The following CPLANE1 variants were observed in gnomAD, a reference collection of about 807,000 sequenced individuals.
CPLANE1 encodes ciliogenesis and planar polarity effector complex subunit 1, also known as ciliogenesis and planar polarity effector 1.
Under a neutral mutation model 362.5 loss-of-function variants are expected in CPLANE1, and 263 were observed. The observed-to-expected ratio is 0.73, with a 90% CI of 0.66 to 0.80. The LOEUF is 0.80. Ranked by LOEUF, CPLANE1 falls within the 30% of genes least tolerant of loss-of-function variation. The pLI is 0.00. For missense variants in CPLANE1, 3,461 were observed against 3,793.4 expected (o/e 0.91, Z 2.30); for synonymous variants, 1,212 against 1,302.6 (o/e 0.93, Z 1.50).
chr5:37,211,177 C>T, intron 16 of CPLANE1: 1 of 1,330,232 alleles, frequency 7.5e-7, no homozygotes, highest in Non-Finnish European at 1.1e-6. Flanking sequence ...GGTACGGTTG[C>T]ATCAAGGATC....
intron 43 of CPLANE1, among the ~76,000 whole-genome samples, chr5:37,147,252 C>T (rs918730685): frequency 6.6e-6 from 1 of 152,220 alleles, no homozygotes; most frequent in Non-Finnish European, 1.5e-5. Context: ...TGACTATCCT[C>T]AGCCACAAGG....
chr5:37,221,197 A>G, intron 15 of CPLANE1, 127 bp downstream of exon 15: 1 of 544,430 alleles, frequency 1.8e-6, no homozygotes, highest in Non-Finnish European at 3.2e-6. Context: ...TGCATTCTGT[A>G]GTCCTAGCCA....
At chr5:37,091,885 G>T in the CPLANE1 span, among the ~76,000 whole-genome samples, 1 of 152,144 alleles carries the variant, frequency 6.6e-6, no homozygotes, top group Non-Finnish European at 1.5e-5. Context: ...AGACGATGAG[G>T]CTTCCATGGA....
At chr5:37,155,756 C>A (rs779202145) in intron 41 of CPLANE1, among the ~76,000 whole-genome samples, 2 of 152,206 alleles carry the variant, frequency 1.3e-5, no homozygotes, top group Non-Finnish European at 2.9e-5. Flanking sequence ...TGAAATTAAT[C>A]TGTAGCTTAT....
intron 20 of CPLANE1, among the ~76,000 whole-genome samples, 185 bp downstream of exon 20, chr5:37,198,517 G>A (rs1005639883): frequency 3.3e-5 from 5 of 152,102 alleles, no homozygotes; most frequent in African/African-American, 9.7e-5. Flanking sequence ...CTAACCTAGA[G>A]ACCCTGTTCA....
Position 37,211,367 on chromosome 5 carries a change from G to A in CPLANE1, c.2920+2192C>T, listed in dbSNP as rs539375794. ...CTGCCAAAGGCCCACTACCAGCAAAGAGCCCACCATCTCTGCACTTGCTGG... is the reference window on the plus strand; with the variant it reads ...CTGCCAAAGGCCCACTACCAGCAAAAAGCCCACCATCTCTGCACTTGCTGG... On this transcript the variant is annotated intron_variant, in intron 16 of 52. Coordinates refer to ENST00000651892, the MANE Select transcript of CPLANE1 (RefSeq NM_001384732.1). 84 of 1,517,876 alleles carry A rather than the reference G, an allele frequency of 5.5e-5. No individual in the cohort carries two copies. In the East Asian group the frequency reaches 1.9e-3, roughly 33 times the overall value. 94.0% of individuals were successfully genotyped at this position (1,517,876 alleles called of 1,614,324 possible). A position where few individuals can be genotyped will look rare whatever the true frequency, so the allele number is the denominator to read the frequency against.
chr5:37,159,751 T>C (rs867556129), intron 38 of CPLANE1, among the ~76,000 whole-genome samples: 2 of 152,328 alleles, frequency 1.3e-5, no homozygotes, highest in Middle Eastern at 3.4e-3. Flanking sequence ...AATCATTCCC[T>C]CTCTCTTAAT....
At chr5:37,151,081 C>T (rs1773424961) in intron 42 of CPLANE1, among the ~76,000 whole-genome samples, 2 of 152,178 alleles carry the variant, frequency 1.3e-5, no homozygotes, top group East Asian at 1.9e-4. Context: ...AAATCCCAAT[C>T]GCTTGACATG....
At chr5:37,128,986 T>A (rs76894430) in intron 46 of CPLANE1, among the ~76,000 whole-genome samples, 4,323 of 152,148 alleles carry the variant, frequency 0.028, 219 homozygotes, top group African/African-American at 0.098. Context: ...TCTGGAGGCA[T>A]CACATTATGA....
chr5:37,100,089 T>G, the CPLANE1 span, among the ~76,000 whole-genome samples: 1 of 152,244 alleles, frequency 6.6e-6, no homozygotes, highest in Non-Finnish European at 1.5e-5. Flanking sequence ...TAGTTTCTTT[T>G]GCTGTGCAGA....
chr5:37,231,044 T>A lies in CPLANE1; in HGVS notation c.944A>T (p.Tyr315Phe), dbSNP rs1200903066. Residue 315 changes from tyrosine to phenylalanine, a missense_variant, in exon 9 of 53, where the codon TAC (tyrosine) becomes TTC (phenylalanine). Physicochemically the swap from Tyr to Phe is conservative, Grantham distance 22. Coordinates refer to ENST00000651892, the MANE Select transcript of CPLANE1 (RefSeq NM_001384732.1). Reference sequence around the variant, plus strand: ...CGTCCAGCTGATATCACCTACCCAGTAGGACCTATAATAAATAAGAGACAA... The same window carrying A: ...CGTCCAGCTGATATCACCTACCCAGAAGGACCTATAATAAATAAGAGACAA... ...PVVPATLIRS[Y>F]WVGDISWTHD... The A allele has an allele frequency of 9.8e-6, 15 of 1,525,428 alleles. No homozygotes were observed. The highest frequency in any genetic ancestry group is 1.3e-5 in the Non-Finnish European group (15 of 1,136,216). 94.5% of individuals were successfully genotyped at this position (1,525,428 alleles called of 1,614,324 possible).
chr5:37,128,552 G>T (rs749265343), intron 46 of CPLANE1, among the ~76,000 whole-genome samples: 19 of 152,042 alleles, frequency 1.2e-4, no homozygotes, highest in Non-Finnish European at 2.5e-4. Flanking sequence ...AATGACCAAT[G>T]CAATTCCTAT....
intron 42 of CPLANE1, 103 bp downstream of exon 42, chr5:37,153,633 AAAAC>A: frequency 1.7e-6 from 2 of 1,197,406 alleles, no homozygotes; most frequent in Admixed American, 4.9e-5. Flanking sequence ...TAGCTTAAAG[AAAAC>A]AAAGTTCTCA....
intron 15 of CPLANE1, among the ~76,000 whole-genome samples, chr5:37,214,761 C>G (rs1793570553): frequency 6.6e-6 from 1 of 152,156 alleles, no homozygotes; most frequent in African/African-American, 2.4e-5. Context: ...TAAAAAGCAA[C>G]CTCACAATTC....
In CPLANE1 at chr5:37,213,700, C is replaced by T. The variant is rs1355665464; in HGVS notation, c.2779G>A (p.Val927Met). 2 of 1,525,046 alleles carry T rather than the reference C, an allele frequency of 1.3e-6. No homozygotes were observed. Among genetic ancestry groups the T allele is most frequent in the Non-Finnish European group, 1.8e-6 (2 of 1,130,492 alleles). 94.5% of individuals were successfully genotyped at this position (1,525,046 alleles called of 1,614,324 possible). A position where few individuals can be genotyped will look rare whatever the true frequency, so the allele number is the denominator to read the frequency against. The change falls in exon 16 of 53, where the codon GTG becomes ATG. Residue 927 changes from valine to methionine, a missense_variant. By Grantham distance (21) the Val-to-Met change is conservative (BLOSUM62 1). This residue lies in a region of CPLANE1 where 3,380 missense variants were observed against 3,666.1 expected (regional missense o/e 0.92). Transcript: ENST00000651892. ...GCTGCCTCAGGATGAACACCGCCCA[C>T]CATTCCACACTCAAAATGAGACTTT... ...AAKSHFECGMVGGVHPEAAVR... is the reference protein window; with the variant it reads ...AAKSHFECGMMGGVHPEAAVR...
intron 44 of CPLANE1, chr5:37,140,126 TTAATC>T (rs1769218832): frequency 1.1e-6 from 1 of 886,364 alleles, no homozygotes; most frequent in Admixed American, 6.2e-5. Context: ...AGAAAAACAC[TTAATC>T]TATTCAGTCT....
chr5:37,129,583 T>G (rs1471642247), intron 46 of CPLANE1, among the ~76,000 whole-genome samples: 1 of 151,806 alleles, frequency 6.6e-6, no homozygotes, highest in Non-Finnish European at 1.5e-5. Flanking sequence ...ACAATAGAGT[T>G]AAGGCATGAC....
At chr5:37,160,372 T>A (rs905881013) in intron 38 of CPLANE1, among the ~76,000 whole-genome samples, 3 of 152,022 alleles carry the variant, frequency 2.0e-5, no homozygotes, top group African/African-American at 4.8e-5. Context: ...CTGGCCAACA[T>A]GGTGAAACCC....
At chr5:37,130,789 T>C (rs936114263) in intron 46 of CPLANE1, 2 of 152,788 alleles carry the variant, frequency 1.3e-5, no homozygotes, top group African/African-American at 4.8e-5. Context: ...TTATACAATT[T>C]TATTTTTAAA....
Sources: gnomAD v4.1 joint callset for allele counts (sites outside exome capture counted in the v4.1 genomes callset) on GRCh38, gnomAD v4.1.1 for gene constraint, gnomAD v4.1.1 regional missense constraint, MANE v1.5 for transcripts, NCBI Gene and HGNC (gene_info 2026-07-23, HGNC 2026-07-21) for gene names.